The following THEMIS variants were observed in gnomAD, a reference collection of about 807,000 sequenced individuals.
THEMIS encodes the protein protein THEMIS.
A neutral mutation model predicts 52.6 loss-of-function variants in THEMIS; 37 were observed. The ratio of observed to expected loss-of-function variants is 0.70; its 90% CI spans 0.54 to 0.93. THEMIS has a LOEUF of 0.93. Among genes scored for constraint, THEMIS ranks in the 40% least tolerant of loss-of-function variants. THEMIS has a pLI of 0.00. For missense variants in THEMIS, 808 were observed against 763.1 expected, an observed-to-expected ratio of 1.06 and a Z score of -0.69; for synonymous variants, 292 against 272.7, an observed-to-expected ratio of 1.07 and a Z score of -0.70.
At chr6:127,861,640 G>A (rs555624732) in intron 1 of THEMIS, among the ~76,000 whole-genome samples, 2 of 151,754 alleles carry the variant, frequency 1.3e-5, no homozygotes, top group African/African-American at 2.4e-5. Context: ...AAAATTAGCC[G>A]GTCATGGTGG....
chr6:127,873,387 A>G (rs1237062005), intron 1 of THEMIS, among the ~76,000 whole-genome samples: 1 of 152,232 alleles, frequency 6.6e-6, no homozygotes, highest in Non-Finnish European at 1.5e-5. Context: ...ACCCAAGTCA[A>G]GACATATTAT....
At chr6:127,829,117 A>G (rs1166755408) in intron 3 of THEMIS, among the ~76,000 whole-genome samples, 1 of 152,208 alleles carries the variant, frequency 6.6e-6, no homozygotes, top group African/African-American at 2.4e-5. Context: ...GACCACCTCC[A>G]TACAAGAAAG....
intron 4 of THEMIS, among the ~76,000 whole-genome samples, chr6:127,810,268 T>C (rs1330489850): frequency 6.6e-6 from 1 of 152,152 alleles, no homozygotes; most frequent in Non-Finnish European, 1.5e-5. Context: ...TCTCCATATC[T>C]TCACATCCTG....
At chr6:127,717,075 T>C (rs996349231) in intron 5 of THEMIS, among the ~76,000 whole-genome samples, 3 of 151,922 alleles carry the variant, frequency 2.0e-5, no homozygotes, top group African/African-American at 7.2e-5. Flanking sequence ...GAGCGTATCA[T>C]AGGAAAACAA....
At chr6:127,884,348 C>T (rs1425921040) in intron 1 of THEMIS, among the ~76,000 whole-genome samples, 1 of 152,124 alleles carries the variant, frequency 6.6e-6, no homozygotes, top group East Asian at 1.9e-4. Flanking sequence ...TCTACCATTC[C>T]TTTTGCTTTA....
At chr6:127,828,621 C>T (rs993996664) in intron 3 of THEMIS, among the ~76,000 whole-genome samples, 15 of 152,086 alleles carry the variant, frequency 9.9e-5, no homozygotes, top group African/African-American at 2.4e-4. Context: ...TCCAGATATT[C>T]GTATTTCAAA....
At chr6:127,745,101 A>G (rs1223223470) in intron 4 of THEMIS, among the ~76,000 whole-genome samples, 1 of 152,002 alleles carries the variant, frequency 6.6e-6, no homozygotes, top group Non-Finnish European at 1.5e-5. Context: ...AGATATTTAA[A>G]CAATACTCTC....
At chr6:127,857,994 G>A (rs940550542) in intron 1 of THEMIS, among the ~76,000 whole-genome samples, 4 of 152,114 alleles carry the variant, frequency 2.6e-5, no homozygotes, top group Admixed American at 1.3e-4. Context: ...ATAATCTAAC[G>A]TAGCCCATTT....
intron 4 of THEMIS, among the ~76,000 whole-genome samples, chr6:127,806,391 C>T (rs530509792): frequency 1.3e-5 from 2 of 152,072 alleles, no homozygotes; most frequent in Non-Finnish European, 2.9e-5. Context: ...TTGTTCTTGA[C>T]ACTATAGATA....
chr6:127,872,927 A>C (rs1780201332), intron 1 of THEMIS, among the ~76,000 whole-genome samples: 1 of 152,232 alleles, frequency 6.6e-6, no homozygotes, highest in South Asian at 2.1e-4. Context: ...CACTATTAGA[A>C]CTATTAAGTG....
At chr6:127,772,009 T>C (rs1776403401) in intron 4 of THEMIS, among the ~76,000 whole-genome samples, 1 of 152,164 alleles carries the variant, frequency 6.6e-6, no homozygotes, top group Non-Finnish European at 1.5e-5. Context: ...TTTTACTTAA[T>C]AATATATCTT....
intron 4 of THEMIS, among the ~76,000 whole-genome samples, chr6:127,745,747 T>C (rs1056015418): frequency 1.4e-4 from 22 of 151,902 alleles, no homozygotes; most frequent in African/African-American, 4.6e-4. Flanking sequence ...GTTTTAGTTC[T>C]GTAATTGTGG....
At chr6:127,818,013 T>G (rs1030629694) in intron 3 of THEMIS, among the ~76,000 whole-genome samples, 2 of 152,170 alleles carry the variant, frequency 1.3e-5, no homozygotes, top group African/African-American at 4.8e-5. Context: ...CAAGGAAAAC[T>G]ATTTTAGCAC....
At chr6:127,834,429 A>G (rs958499494) in intron 2 of THEMIS, among the ~76,000 whole-genome samples, 1 of 150,818 alleles carries the variant, frequency 6.6e-6, no homozygotes, top group African/African-American at 2.4e-5. Flanking sequence ...AAAAAAAAAA[A>G]AAAAAAAAGC....
chr6:127,868,466 G>A, intron 1 of THEMIS: 2 of 985,378 alleles, frequency 2.0e-6, no homozygotes, highest in Non-Finnish European at 2.4e-6. Context: ...TTCAAGATCA[G>A]CATTTCCCAA....
intron 2 of THEMIS, 88 bp from the exon 3 acceptor site, chr6:127,830,022 G>T (rs1778647263): frequency 2.3e-6 from 2 of 879,604 alleles, no homozygotes; most frequent in Non-Finnish European, 3.5e-6. Flanking sequence ...TACAACACAA[G>T]TACTGCATAC....
chr6:127,756,355 A>T (rs957770281), intron 4 of THEMIS, among the ~76,000 whole-genome samples: 2 of 152,196 alleles, frequency 1.3e-5, no homozygotes, highest in African/African-American at 2.4e-5. Flanking sequence ...AGTAGTTTGT[A>T]TGATAGTCTC....
intron 4 of THEMIS, among the ~76,000 whole-genome samples, chr6:127,792,634 T>G (rs1202479277): frequency 1.3e-5 from 2 of 152,234 alleles, no homozygotes; most frequent in African/African-American, 2.4e-5. Flanking sequence ...AAAACTCATG[T>G]TGCCAATCAA....
chr6:127,912,716 A>T (rs896100115), intron 1 of THEMIS, among the ~76,000 whole-genome samples: 1 of 152,198 alleles, frequency 6.6e-6, no homozygotes. Context: ...GCCTAACTTA[A>T]ATTATTAATA....
Sources: allele counts gnomAD v4.1 joint callset (sites outside exome capture counted in the v4.1 genomes callset), GRCh38; gene constraint gnomAD v4.1.1; transcripts MANE v1.5; gene names NCBI Gene and HGNC (gene_info 2026-07-23, HGNC 2026-07-21).